SIGIRR: variants seen among roughly 807,000 people sequenced by gnomAD.
SIGIRR encodes the protein single Ig and TIR domain containing, also known as single Ig IL-1-related receptor.
Under a neutral mutation model 45.6 loss-of-function variants are expected in SIGIRR, and 41 were observed. The observed-to-expected ratio is 0.90, with a 90% CI of 0.70 to 1.17. SIGIRR has a LOEUF of 1.17. Ranked by LOEUF, SIGIRR falls within the 50% of genes most tolerant of loss-of-function variation. The probability of loss-of-function intolerance (pLI) is 0.00; values close to 1 mark genes in which losing one functional copy is unlikely to be tolerated. For missense variants in SIGIRR, 599 were observed against 539.6 expected (o/e 1.11, Z -1.09); for synonymous variants, 298 against 239.0 (o/e 1.25, Z -2.28).
At chr11:415,251 C>T (rs7940752), upstream of SIGIRR, among the ~76,000 whole-genome samples, 2 of 112,504 alleles carry the variant, frequency 1.8e-5, no homozygotes, top group African/African-American at 3.2e-5. This position sits in a 1 kb window ranked among gnomAD's most constrained non-coding sequence, Gnocchi z 6.6. Context: ...TGTGTGTGTG[C>T]AGTGTGTCTG....
At chr11:407,187 G>C in intron 6 of SIGIRR, 23 bp from the exon 7 acceptor site, 1 of 1,216,384 alleles carries the variant, frequency 8.2e-7, no homozygotes, top group Non-Finnish European at 1.1e-6. Flanking sequence ...GGGCGTCGGC[G>C]GCGCAGGGGC....
At chr11:408,614 G>A (rs1564890292) in intron 3 of SIGIRR, 81 bp downstream of exon 3, 37 of 1,522,142 alleles carry the variant, frequency 2.4e-5, no homozygotes, top group Non-Finnish European at 3.2e-5. Context: ...GGTGGTTACA[G>A]ACCCAGGCAT....
intron 2 of SIGIRR, chr11:409,250 G>A: frequency 2.2e-6 from 1 of 444,772 alleles, no homozygotes; most frequent in Non-Finnish European, 4.4e-6. Context: ...CATGATGCCT[G>A]TCTCATAGGA....
rs757453802 is a variant in SIGIRR at position 407,154 on chromosome 11, G to C, written c.636C>G (p.Ala212=). The change falls in exon 7 of 10, where the codon GCC becomes GCG. Residue 212 remains alanine (A), a synonymous_variant. Coordinates refer to ENST00000431843, the MANE Select transcript of SIGIRR (RefSeq NM_001135054.2). ...AGCGGCTCAGGTTCACCAAGAGGTC[G>C]GCGGAGGGCTCTGCGGGAGGGCGGG... ...RDLLPRAEPS[A]DLLVNLSRCR... The C allele has an allele frequency of 7.3e-6, 11 of 1,514,374 alleles. No homozygotes were observed. The Admixed American group carries it at 1.6e-4, about 22-fold the overall frequency. 93.8% of individuals were successfully genotyped at this position (1,514,374 alleles called of 1,614,324 possible).
At chr11:406,650 C>G in intron 8 of SIGIRR, 112 bp from the exon 9 acceptor site, 1 of 1,436,406 alleles carries the variant, frequency 7.0e-7, no homozygotes, top group South Asian at 1.4e-5. Context: ...CCTGCGACAG[C>G]TATTCCGTGG....
intron 8 of SIGIRR, 80 bp from the exon 9 acceptor site, chr11:406,618 C>A: frequency 2.7e-6 from 4 of 1,485,146 alleles, no homozygotes; most frequent in Non-Finnish European, 2.7e-6. Flanking sequence ...AGCACACCTG[C>A]GGCTGCCCAC....
rs370407195 is a variant in SIGIRR at position 406,902 on chromosome 11, G to A, written c.820C>T (p.Arg274Cys). Residue 274 changes from arginine (R) to cysteine (C), a missense_variant, in exon 8 of 10, where the codon CGC becomes TGC. Arg to Cys is a radical substitution (Grantham distance 180). Transcript: ENST00000431843. ...QRRDPAHPAL[R>C]LLRQHRHLVT... The stretch of plus-strand genomic sequence containing the variant: ...AGGTGGCGGTGCTGGCGCAGCAGGC[G>A]GAGCGCCGGGTGCGCGGGGTCGCGC... 4.8e-5 allele frequency: 77 copies of A among 1,589,406 alleles called. No homozygotes were observed. Among genetic ancestry groups the A allele is most frequent in the Non-Finnish European group, 6.0e-5 (70 of 1,173,394 alleles).
rs1261935944 is a variant in SIGIRR, at chr11:408,873, C to G, written c.28G>C (p.Asp10His). MPGVCDRAP[D>H]FLSPSEDQVL... Reference sequence around the variant, plus strand: ...TGGTCTTCAGACGGGGAGAGGAAGTCAGGGGCCCTATCACAGACACCTGAA... The same window carrying G: ...TGGTCTTCAGACGGGGAGAGGAAGTGAGGGGCCCTATCACAGACACCTGAA... The change falls in exon 3 of 10, where the codon GAC (aspartate) becomes CAC (histidine). Residue 10 changes from aspartate to histidine, a missense_variant. Physicochemically the swap from Asp to His is moderately conservative, Grantham distance 81. Transcript: ENST00000431843. 6 of 1,612,664 alleles carry G rather than the reference C, an allele frequency of 3.7e-6. No individual in the cohort carries two copies. Among genetic ancestry groups the G allele is most frequent in the Non-Finnish European group, 5.1e-6 (6 of 1,179,972 alleles).
chr11:405,966 G>A lies in SIGIRR; in HGVS notation c.1163C>T (p.Ser388Leu), dbSNP rs755790244. Residue 388 changes from serine to leucine, a missense_variant, in exon 10 of 10, where the codon TCG (serine) becomes TTG (leucine). Transcript: ENST00000431843. ...ACTGTAGTTTCGCGAGCCGAGATCCGAGACGTCCACTTCGCTGCTCCGGCT... is the reference window on the plus strand; with the variant it reads ...ACTGTAGTTTCGCGAGCCGAGATCCAAGACGTCCACTTCGCTGCTCCGGCT... ...GESRSSEVDV[S>L]DLGSRNYSAR... The A allele has an allele frequency of 1.4e-5, 23 of 1,612,284 alleles. No individual in the cohort carries two copies. Among genetic ancestry groups the A allele is most frequent in the African/African-American group, 2.7e-5 (2 of 74,926 alleles).
chr11:408,736 T>C lies in SIGIRR; in HGVS notation c.165A>G (p.Pro55=). 6.2e-7 allele frequency: 1 copy of C among 1,612,642 alleles called. No homozygotes were observed. Among genetic ancestry groups the C allele is most frequent in the African/African-American group, 1.3e-5 (1 of 74,984 alleles). The change falls in exon 3 of 10, where the codon CCA becomes CCG. Residue 55 remains proline (P), a synonymous_variant. Transcript: ENST00000431843. ...GGCTGTAGTGGCCCCCAATTCCCAA[T>C]GGAAGCCCGTCTTTCAGCCACTGGA... is the stretch of plus-strand genomic sequence containing the variant. ...PSVQWLKDGL[P]LGIGGHYSLH...
rs1847346578 is a variant in SIGIRR, at chr11:407,012, AG to A, written c.729-20del. The A allele has an allele frequency of 2.5e-6, 4 of 1,587,332 alleles. No individual in the cohort carries two copies. Among genetic ancestry groups the A allele is most frequent in the African/African-American group, 2.7e-5 (2 of 73,290 alleles). ...GCCCTCCCTGCGGGGCGGGACCGTC[AG>A]GGGGGTGGGTGCTACGCTGGGGCCC... On this transcript the variant is annotated intron_variant, in intron 7 of 9. Transcript: ENST00000431843.
At position 406,555 on chromosome 11, in the gene SIGIRR, G is replaced by C. The variant is rs754117552; in HGVS notation, c.880-17C>G. On this transcript the variant is annotated splice_polypyrimidine_tract_variant and intron_variant, in intron 8 of 9. Transcript: ENST00000431843. ...GGAAGGAGTCTGGGGGCCAGGTCGGGGCGGTTTGCAGGTGTGAACACCTCG... is the reference window on the plus strand; with the variant it reads ...GGAAGGAGTCTGGGGGCCAGGTCGGCGCGGTTTGCAGGTGTGAACACCTCG... The C allele has an allele frequency of 1.9e-6, 3 of 1,600,014 alleles. No homozygotes were observed. The highest frequency in any genetic ancestry group is 3.4e-5 in the Admixed American group (2 of 59,272).
chr11:407,082 G>T lies in SIGIRR; in HGVS notation c.708C>A (p.Ala236=). ...CCCACCGGAAGCTGTGGCTGCACCA[G>T]GCCCGGCTCAGGAAGGCGTCCGAAA... ...VVLSDAFLSR[A]WCSHSFREGL... Residue 236 remains alanine, a synonymous_variant, in exon 7 of 10, where the codon GCC becomes GCA. Transcript: ENST00000431843. The T allele has an allele frequency of 6.4e-7, 1 of 1,556,082 alleles. No homozygotes were observed.
In SIGIRR at chr11:406,910, G is replaced by T. The variant is rs752742104; in HGVS notation, c.812C>A (p.Pro271Gln). ...GTGCTGGCGCAGCAGGCGGAGCGCC[G>T]GGTGCGCGGGGTCGCGCCTCTGGCC... The part of the protein sequence containing the change: ...FEGQRRDPAH[P>Q]ALRLLRQHRH... The change falls in exon 8 of 10, where the codon CCG becomes CAG. Residue 271 changes from proline (P) to glutamine (Q), a missense_variant. Physicochemically the swap from Pro to Gln is moderately conservative, Grantham distance 76. Coordinates refer to ENST00000431843, the MANE Select transcript of SIGIRR (RefSeq NM_001135054.2). The T allele has an allele frequency of 1.0e-5, 16 of 1,592,764 alleles. No individual in the cohort carries two copies. The highest frequency in any genetic ancestry group is 5.2e-5 in the Admixed American group (3 of 58,116).
intron 5 of SIGIRR, 54 bp downstream of exon 5, chr11:407,763 A>G: frequency 6.2e-7 from 1 of 1,607,918 alleles, no homozygotes; most frequent in Non-Finnish European, 8.5e-7. Flanking sequence ...TCAGCAGCGC[A>G]CTCTCAGGGA....
At position 407,871 on chromosome 11, in the gene SIGIRR, G is replaced by A. The variant is rs746732229; in HGVS notation, c.427C>T (p.Arg143Cys). 2 of 1,612,602 alleles carry A rather than the reference G, an allele frequency of 1.2e-6. No homozygotes were observed. The highest frequency in any genetic ancestry group is 1.7e-6 in the Non-Finnish European group (2 of 1,179,864). Residue 143 changes from arginine to cysteine, a missense_variant, in exon 5 of 10, where the codon CGT (arginine) becomes TGT (cysteine). By Grantham distance (180) the Arg-to-Cys change is radical. Transcript: ENST00000431843. The stretch of plus-strand genomic sequence containing the variant: ...TGGTACCAGAGCAGCACGTTGAGAC[G>A]GCACTTGACATAGAGCAGGGCGGCC... ...LLAALLYVKCRLNVLLWYQDA... is the reference protein window; with the variant it reads ...LLAALLYVKCCLNVLLWYQDA...
chr11:410,674 C>T (rs1590381568), intron 1 of SIGIRR, among the ~76,000 whole-genome samples: 1 of 75,022 alleles, frequency 1.3e-5, no homozygotes, highest in Non-Finnish European at 2.4e-5. Context: ...GGGGGGGTGC[C>T]CAGCTCTGAC....
chr11:407,119 A>ATCTACACTT lies in SIGIRR; in HGVS notation c.670_671insAAGTGTAGA (p.Leu224delinsGlnValTer). 6.6e-7 allele frequency: 1 copy of ATCTACACTT among 1,520,576 alleles called. No individual in the cohort carries two copies. The highest frequency in any genetic ancestry group is 8.8e-7 in the Non-Finnish European group (1 of 1,139,828). The allele number at this position is 1,520,576 out of a possible 1,614,324, so 94.2% of individuals were successfully genotyped here. On this transcript the variant is annotated stop_gained and protein_altering_variant, in exon 7 of 10. Coordinates refer to ENST00000431843, the MANE Select transcript of SIGIRR (RefSeq NM_001135054.2). LOFTEE classifies it high-confidence loss of function. The stretch of plus-strand genomic sequence containing the variant: ...GAAGGCGTCCGAAAGCACCACGATG[A>ATCTACACTT]GGCGTCGGCAGCGGCTCAGGTTCAC...
At chr11:415,441 C>A (rs1369744759), upstream of SIGIRR, among the ~76,000 whole-genome samples, 7 of 152,098 alleles carry the variant, frequency 4.6e-5, no homozygotes, top group African/African-American at 1.7e-4. The surrounding 1 kb of genome is among the most constrained non-coding windows in gnomAD (Gnocchi z 6.6). Context: ...GGGGACCGCG[C>A]GGCATGCCTT....
Sources: allele counts gnomAD v4.1 joint callset (sites outside exome capture counted in the v4.1 genomes callset), GRCh38; gene constraint gnomAD v4.1.1; non-coding constraint Gnocchi (gnomAD v3.1); transcripts MANE v1.5; gene names NCBI Gene and HGNC (gene_info 2026-07-23, HGNC 2026-07-21).